The following NCKAP5 variants were observed in gnomAD, a reference collection of about 807,000 sequenced individuals.
NCKAP5 encodes the protein nck-associated protein 5.
NCKAP5 carries 92 observed loss-of-function variants against 167.0 expected under a neutral mutation model. The observed-to-expected ratio is 0.55, with a 90% CI of 0.47 to 0.66. The LOEUF is 0.66. Among genes scored for constraint, NCKAP5 ranks in the 30% least tolerant of loss-of-function variants. The pLI is 0.00. For synonymous variants in NCKAP5, 891 were observed against 877.4 expected (o/e 1.02, Z -0.27); for missense variants, 2,378 against 2,315.0 (o/e 1.03, Z -0.56).
intron 4 of NCKAP5, among the ~76,000 whole-genome samples, chr2:133,236,070 C>CAAAAAAAAAAAAAA (rs527705526): frequency 6.4e-4 from 10 of 15,678 alleles, no homozygotes; most frequent in African/African-American, 1.4e-3. Context: ...TGTCTCAGAC[C>CAAAAAAAAAAAAAA]AAAAAAAAAA....
chr2:133,178,497 C>T (rs547763725), intron 5 of NCKAP5, among the ~76,000 whole-genome samples: 10 of 71,772 alleles, frequency 1.4e-4, no homozygotes, highest in Non-Finnish European at 2.3e-4. Context: ...ACAATGAGAC[C>T]CTGTCTCAAA....
At chr2:133,198,648 T>C (rs1206124917) in intron 5 of NCKAP5, among the ~76,000 whole-genome samples, 6 of 152,122 alleles carry the variant, frequency 3.9e-5, no homozygotes, top group Non-Finnish European at 2.9e-5. Flanking sequence ...AAGACCTAAA[T>C]GAACAGAGAT....
intron 3 of NCKAP5, among the ~76,000 whole-genome samples, chr2:133,493,327 G>A (rs1438525152): frequency 6.6e-6 from 1 of 152,180 alleles, no homozygotes; most frequent in Non-Finnish European, 1.5e-5. Context: ...TAGGGAAAAG[G>A]TAGCTGATAA....
intron 19 of NCKAP5, among the ~76,000 whole-genome samples, chr2:132,677,210 T>G (rs899293928): frequency 6.6e-6 from 1 of 152,118 alleles, no homozygotes; most frequent in Non-Finnish European, 1.5e-5. Context: ...GACTTTTTGG[T>G]GGATTTTTTT....
the NCKAP5 span, among the ~76,000 whole-genome samples, chr2:133,662,308 C>T: frequency 4.5e-3 from 677 of 152,064 alleles, 7 homozygotes; most frequent in African/African-American, 0.015. Context: ...ATCTTTTTAT[C>T]GTTTGCCCAA....
intron 19 of NCKAP5, among the ~76,000 whole-genome samples, chr2:132,686,638 TCC>T (rs1685977332): frequency 6.6e-6 from 1 of 152,146 alleles, no homozygotes; most frequent in African/African-American, 2.4e-5. Context: ...GTCATCCTTT[TCC>T]CCCCTATCAC....
intron 16 of NCKAP5, among the ~76,000 whole-genome samples, chr2:132,735,171 G>A (rs192814129): frequency 4.9e-5 from 7 of 143,042 alleles, no homozygotes; most frequent in South Asian, 2.3e-4. Context: ...TAGACTTCTC[G>A]CCAGGATTTT....
chr2:133,367,847 A>T (rs1445133799), intron 3 of NCKAP5, among the ~76,000 whole-genome samples: 1 of 152,164 alleles, frequency 6.6e-6, no homozygotes, highest in African/African-American at 2.4e-5. Flanking sequence ...CCTTAAGAAA[A>T]TTAAAGAAAC....
At position 133,455,568 on chromosome 2, in the gene NCKAP5, T is replaced by C. The variant is rs530215008; in HGVS notation, c.69+61890A>G. ...TTGGGTCCAATTTACAATCTGTTTC[T>C]CCCTTTTTTCTTTCGTATGTTTTTC... On this transcript the variant is annotated intron_variant, in intron 3 of 19. Transcript: ENST00000409261. 2.9e-3 allele frequency among the ~76,000 whole-genome samples: 435 copies of C among 152,244 alleles called. 4 individuals carry two copies. The highest frequency in any genetic ancestry group is 0.01 in the African/African-American group (420 of 41,560).
At chr2:133,269,911 G>T (rs1454129700) in intron 4 of NCKAP5, among the ~76,000 whole-genome samples, 1 of 152,190 alleles carries the variant, frequency 6.6e-6, no homozygotes, top group Non-Finnish European at 1.5e-5. Flanking sequence ...AGCCAACAAT[G>T]AGTGGCTCGA....
intron 11 of NCKAP5, among the ~76,000 whole-genome samples, chr2:132,821,557 A>G (rs1270081615): frequency 2.0e-5 from 3 of 152,184 alleles, no homozygotes; most frequent in African/African-American, 7.2e-5. Context: ...GGGGACCAGC[A>G]GGAGCTGTTG....
chr2:133,085,934 C>T (rs1441495745), intron 6 of NCKAP5, among the ~76,000 whole-genome samples: 1 of 152,168 alleles, frequency 6.6e-6, no homozygotes, highest in African/African-American at 2.4e-5. Flanking sequence ...CCCCAACATG[C>T]ACTGATTTAC....
Position 133,203,723 on chromosome 2 carries a change from T to A in NCKAP5, c.207+9993A>T, listed in dbSNP as rs374979432. Among the ~76,000 whole-genome samples, 176 of 152,252 alleles carry A rather than the reference T, an allele frequency of 1.2e-3. 1 individual carries two copies. The highest frequency in any genetic ancestry group is 3.7e-3 in the African/African-American group (154 of 41,566). On this transcript the variant is annotated intron_variant, in intron 5 of 19. Coordinates refer to ENST00000409261, the MANE Select transcript of NCKAP5 (RefSeq NM_207363.3). ...CGGCAGTCCTGGAGTCAGCAGGGGT[T>A]ACCTGGAGGGCAGAGTGCTATACAA...
At chr2:132,777,880 G>A (rs936988455) in intron 15 of NCKAP5, among the ~76,000 whole-genome samples, 5 of 151,758 alleles carry the variant, frequency 3.3e-5, no homozygotes, top group Non-Finnish European at 7.4e-5. Context: ...GTGACACTGG[G>A]TAAAGAGAAT....
At chr2:132,697,261 C>G (rs1337672606) in intron 19 of NCKAP5, among the ~76,000 whole-genome samples, 1 of 152,230 alleles carries the variant, frequency 6.6e-6, no homozygotes, top group African/African-American at 2.4e-5. Context: ...GGCTTCCTGT[C>G]AGGACAGTGC....
At chr2:133,355,910 T>C (rs910363807) in intron 3 of NCKAP5, among the ~76,000 whole-genome samples, 4 of 151,406 alleles carry the variant, frequency 2.6e-5, no homozygotes, top group Non-Finnish European at 4.4e-5. Context: ...CTGTTCACAT[T>C]TGAAGGAGCA....
chr2:133,099,415 A>C (rs2081435641), intron 6 of NCKAP5, among the ~76,000 whole-genome samples: 1 of 152,210 alleles, frequency 6.6e-6, no homozygotes, highest in African/African-American at 2.4e-5. Flanking sequence ...ACTATTCAAA[A>C]TAAAGCTAAT....
rs145884352 is a variant in NCKAP5, at chr2:133,017,005, A to C, written c.342-22766T>G. Among the ~76,000 whole-genome samples the C allele has an allele frequency of 3.9e-4, 60 of 152,356 alleles. 1 individual carries two copies. The East Asian group carries it at 0.011, about 28-fold the overall frequency. On this transcript the variant is annotated intron_variant, in intron 6 of 19. Transcript: ENST00000409261. ...AAGGAAACTAGCCCATTGTTAACTGATTGATAGGCAGTGTGAAATGTGTTC... is the reference window on the plus strand; with the variant it reads ...AAGGAAACTAGCCCATTGTTAACTGCTTGATAGGCAGTGTGAAATGTGTTC...
chr2:133,527,546 G>A lies in NCKAP5; in HGVS notation c.-61-9959C>T, dbSNP rs1235211756. On this transcript the variant is annotated intron_variant, in intron 2 of 19. Coordinates refer to ENST00000409261, the MANE Select transcript of NCKAP5 (RefSeq NM_207363.3). ...ATGCTAAAAGCCAAATCAAGATTAA[G>A]AGATTAAACTTTAAAACCAATTAAC... Among the ~76,000 whole-genome samples, 5 of 126,390 alleles carry A rather than the reference G, an allele frequency of 4.0e-5. No individual in the cohort carries two copies. The Admixed American group carries it at 4.8e-4, about 12-fold the overall frequency. 82.9% of individuals were successfully genotyped at this position (126,390 alleles called of 152,430 possible). A position where few individuals can be genotyped will look rare whatever the true frequency, so the allele number is the denominator to read the frequency against.
Sources: allele counts gnomAD v4.1 joint callset (sites outside exome capture counted in the v4.1 genomes callset), GRCh38; gene constraint gnomAD v4.1.1; transcripts MANE v1.5; gene names NCBI Gene and HGNC (gene_info 2026-07-23, HGNC 2026-07-21).